Variants in SLC35E4 observed in about 807,000 individuals in gnomAD.
SLC35E4 encodes the protein solute carrier family 35 member E4.
A neutral mutation model predicts 19.3 loss-of-function variants in SLC35E4; 15 were observed. The observed-to-expected ratio is 0.78, with a 90% confidence interval of 0.52 to 1.20. The LOEUF (loss-of-function observed/expected upper bound fraction) is 1.20, where lower values mean the gene tolerates loss of function less well. Ranked by LOEUF, SLC35E4 falls within the 50% of genes most tolerant of loss-of-function variation. The pLI is 0.00. For missense variants in SLC35E4, 406 were observed against 472.3 expected, an observed-to-expected ratio of 0.86 and a Z score of 1.30; for synonymous variants, 219 against 219.9, an observed-to-expected ratio of 1.00 and a Z score of 0.04.
chr22:30,642,847 G>A (rs1028709166), intron 1 of SLC35E4, among the ~76,000 whole-genome samples: 1 of 151,494 alleles, frequency 6.6e-6, no homozygotes, highest in African/African-American at 2.4e-5. Flanking sequence ...GGCTAACACA[G>A]TGAAACCCCG....
At chr22:30,655,901 C>T (rs953099065) in intron 2 of SLC35E4, among the ~76,000 whole-genome samples, 3 of 151,796 alleles carry the variant, frequency 2.0e-5, no homozygotes, top group South Asian at 4.1e-4. Context: ...TATTGGGTCA[C>T]GATCCAGAGG....
chr22:30,647,054 AC>A lies in SLC35E4; in HGVS notation c.*25del, dbSNP rs748201654. 2 of 1,568,800 alleles carry A rather than the reference AC, an allele frequency of 1.3e-6. No homozygotes were observed. The highest frequency in any genetic ancestry group is 1.7e-6 in the Non-Finnish European group (2 of 1,159,684). On this transcript the variant is annotated 3_prime_UTR_variant, in exon 2 of 2. Transcript: ENST00000343605. The stretch of plus-strand genomic sequence containing the variant: ...TGAGACCTGGGGGATCTCAGGAGCC[AC>A]CTGGGATGGCCCTGGCCTGAATCCA...
At position 30,647,185 on chromosome 22, in the gene SLC35E4, GC is replaced by G; in HGVS notation, c.*156del. 1.1e-6 allele frequency: 1 copy of G among 943,118 alleles called. No homozygotes were observed. The highest frequency in any genetic ancestry group is 1.5e-6 in the Non-Finnish European group (1 of 654,338). The allele number at this position is 943,118 out of a possible 1,614,324, so 58.4% of individuals were successfully genotyped here. A position where few individuals can be genotyped will look rare whatever the true frequency, so the allele number is the denominator to read the frequency against. On this transcript the variant is annotated 3_prime_UTR_variant, in exon 2 of 2. Coordinates refer to ENST00000343605, the MANE Select transcript of SLC35E4 (RefSeq NM_001001479.4). ...GTCCGAGGTGGGTGGATCACCTGAG[GC>G]CAGGAGTTCGAGACCAGCCTGGCTA...
In SLC35E4 at chr22:30,647,163, C is replaced by T. The variant is rs902549416; in HGVS notation, c.*132C>T. ...CTATAATCCCAGCACTTCCAGAGTC[C>T]GAGGTGGGTGGATCACCTGAGGCCA... On this transcript the variant is annotated 3_prime_UTR_variant, in exon 2 of 2. Transcript: ENST00000343605. 7.2e-5 allele frequency: 83 copies of T among 1,152,026 alleles called. No homozygotes were observed. The highest frequency in any genetic ancestry group is 8.5e-5 in the Non-Finnish European group (72 of 842,792). 71.4% of individuals were successfully genotyped at this position (1,152,026 alleles called of 1,614,324 possible). A position where few individuals can be genotyped will look rare whatever the true frequency, so the allele number is the denominator to read the frequency against.
downstream of SLC35E4, among the ~76,000 whole-genome samples, chr22:30,648,843 C>CG (rs1555899155): frequency 4.0e-4 from 59 of 146,126 alleles, no homozygotes; most frequent in Non-Finnish European, 7.0e-4. Flanking sequence ...CTATCTCTTT[C>CG]AAAAAAAAAA....
downstream of SLC35E4, chr22:30,668,055 G>T: frequency 6.2e-6 from 1 of 160,650 alleles, no homozygotes. Context: ...CGGCCTCCGT[G>T]CGCCCAACGA....
intron 1 of SLC35E4, among the ~76,000 whole-genome samples, chr22:30,638,577 C>T (rs896259246): frequency 1.5e-4 from 23 of 148,960 alleles, no homozygotes; most frequent in Admixed American, 2.7e-4. Flanking sequence ...TTTGGGAGGC[C>T]GAGGCAAGTG....
At chr22:30,650,846 T>C (rs1400900479), downstream of SLC35E4, among the ~76,000 whole-genome samples, 1 of 152,144 alleles carries the variant, frequency 6.6e-6, no homozygotes, top group African/African-American at 2.4e-5. Context: ...CCAGCCCCCT[T>C]GTCCTGCTTT....
chr22:30,663,977 T>C (rs752463721), downstream of SLC35E4: 2 of 1,613,906 alleles, frequency 1.2e-6, no homozygotes, highest in East Asian at 2.2e-5. Flanking sequence ...GGAACTGAAC[T>C]GGGAAGGCAC....
Position 30,636,122 on chromosome 22 carries a change from C to A in SLC35E4, c.-329C>A. 3.0e-6 allele frequency: 1 copy of A among 332,252 alleles called. No individual in the cohort carries two copies. The highest frequency in any genetic ancestry group is 4.4e-5 in the Admixed American group (1 of 22,586). 20.6% of individuals were successfully genotyped at this position (332,252 alleles called of 1,614,324 possible). A position where few individuals can be genotyped will look rare whatever the true frequency, so the allele number is the denominator to read the frequency against. Reference sequence around the variant, plus strand: ...GAGAAAAAAGGAACGAGGATTTCATCTAAAAGCATAACGTGGGCACTAGGC... The same window carrying A: ...GAGAAAAAAGGAACGAGGATTTCATATAAAAGCATAACGTGGGCACTAGGC... On this transcript the variant is annotated 5_prime_UTR_variant, in exon 1 of 2. Transcript: ENST00000343605.
At chr22:30,653,273 G>C (rs1341664004) in intron 2 of SLC35E4, among the ~76,000 whole-genome samples, 1 of 152,064 alleles carries the variant, frequency 6.6e-6, no homozygotes, top group African/African-American at 2.4e-5. Flanking sequence ...CGGCTATTGG[G>C]GGGCCACCCT....
chr22:30,659,396 G>A (rs1215726428), intron 2 of SLC35E4, among the ~76,000 whole-genome samples: 1 of 151,908 alleles, frequency 6.6e-6, no homozygotes, highest in African/African-American at 2.4e-5. Context: ...TTTTTGAGAT[G>A]GAGTTTCACT....
downstream of SLC35E4, among the ~76,000 whole-genome samples, chr22:30,664,681 T>A (rs967965754): frequency 6.6e-6 from 1 of 152,324 alleles, no homozygotes; most frequent in East Asian, 1.9e-4. Context: ...CTAAGAACCA[T>A]CTCTTTAAAG....
chr22:30,646,729 G>A lies in SLC35E4; in HGVS notation c.751G>A (p.Asp251Asn), dbSNP rs760832669. Residue 251 changes from aspartate (D) to asparagine (N), a missense_variant, in exon 2 of 2, where the codon GAC (aspartate) becomes AAC (asparagine). Asp to Asn is a conservative substitution (Grantham distance 23). Coordinates refer to ENST00000343605, the MANE Select transcript of SLC35E4 (RefSeq NM_001001479.4). ...AGVAPPPTAGDSRLWACILLS... is the reference protein window; with the variant it reads ...AGVAPPPTAGNSRLWACILLS... ...CGTTGCCCCACCGCCCACTGCTGGC[G>A]ACTCTCGCCTCTGGGCCTGCATCCT... The A allele has an allele frequency of 9.3e-6, 15 of 1,612,992 alleles. No individual in the cohort carries two copies. Among genetic ancestry groups the A allele is most frequent in the East Asian group, 6.7e-5 (3 of 44,868 alleles).
Position 30,636,194 on chromosome 22 carries a change from G to GC in SLC35E4, c.-254dup, listed in dbSNP as rs1173373261. On this transcript the variant is annotated 5_prime_UTR_variant, in exon 1 of 2. Transcript: ENST00000343605. ...CTGGCACGGGGCAGAGGTGCCTGGA[G>GC]CCCACGCTTGAGCATCGGAGACCCT... 1 of 493,024 alleles carries GC rather than the reference G, an allele frequency of 2.0e-6. No homozygotes were observed. The highest frequency in any genetic ancestry group is 3.6e-6 in the Non-Finnish European group (1 of 281,284). 30.5% of individuals were successfully genotyped at this position (493,024 alleles called of 1,614,324 possible).
At chr22:30,667,436 TAGTGTCAGGACCCCC>T (rs1268515501), downstream of SLC35E4, 1 of 152,176 alleles carries the variant, frequency 6.6e-6, no homozygotes, top group Non-Finnish European at 1.5e-5. Flanking sequence ...TTCGCCTGCT[TAGTGTCAGGACCCCC>T]AGGGTTTTAC....
downstream of SLC35E4, among the ~76,000 whole-genome samples, chr22:30,652,515 G>A (rs970719906): frequency 3.3e-5 from 5 of 152,196 alleles, no homozygotes; most frequent in Admixed American, 6.5e-5. Context: ...AAGTTTCTCC[G>A]AATGTTAGTT....
intron 2 of SLC35E4, chr22:30,661,465 T>G (rs1374398120): frequency 6.6e-6 from 1 of 151,332 alleles, no homozygotes; most frequent in Admixed American, 6.6e-5. Context: ...TTTTTCTTTT[T>G]GAGATGGAGT....
At chr22:30,662,450 A>G (rs977363174) in exon 3 of SLC35E4, 3 of 152,218 alleles carry the variant, frequency 2.0e-5, no homozygotes, top group African/African-American at 7.2e-5. Context: ...GAAGGGGACT[A>G]ACACCATCTT....
Sources: allele counts gnomAD v4.1 joint callset (sites outside exome capture counted in the v4.1 genomes callset), GRCh38; gene constraint gnomAD v4.1.1; transcripts MANE v1.5; gene names NCBI Gene and HGNC (gene_info 2026-07-23, HGNC 2026-07-21).